The following DENND2B variants were observed in gnomAD, a reference collection of about 807,000 sequenced individuals.
DENND2B encodes the protein DENN domain-containing protein 2B.
A neutral mutation model predicts 116.0 loss-of-function variants in DENND2B; 32 were observed. The observed-to-expected ratio is 0.28, with a 90% CI of 0.21 to 0.37. The LOEUF is 0.37. Among genes scored for constraint, DENND2B ranks in the 10% least tolerant of loss-of-function variants. The pLI, the probability that DENND2B is intolerant of heterozygous loss-of-function variation, is 1.00. For missense variants in DENND2B, 1,276 were observed against 1,477.7 expected, an observed-to-expected ratio of 0.86 and a Z score of 2.24; for synonymous variants, 588 against 583.9, an observed-to-expected ratio of 1.01 and a Z score of -0.10.
At chr11:8,709,957 GAGCACGTGCCTGACTCTCAAT>G (rs546003679) in intron 11 of DENND2B, among the ~76,000 whole-genome samples, 9 of 151,988 alleles carry the variant, frequency 5.9e-5, no homozygotes, top group African/African-American at 7.3e-5. Context: ...ATCTTTATAT[GAGCACGTGCCTGACTCTCAAT>G]AGCACGTGCC....
rs544065420 is a variant in DENND2B, at chr11:8,694,458, G to A, written c.3380-328C>T. On this transcript the variant is annotated intron_variant, in intron 19 of 19. Transcript: ENST00000313726. ...TTGCAGGAAGGGCACTCGCACTGCT[G>A]TGTCTGCAGACCTGTTATGGTCTAG... 3.0e-4 allele frequency: 138 copies of A among 454,040 alleles called. 1 individual carries two copies. Among genetic ancestry groups the A allele is most frequent in the South Asian group, 2.1e-3 (114 of 55,390 alleles). 28.1% of individuals were successfully genotyped at this position (454,040 alleles called of 1,614,324 possible).
At chr11:8,698,167 G>C (rs767920296) in intron 16 of DENND2B, among the ~76,000 whole-genome samples, 5 of 53,316 alleles carry the variant, frequency 9.4e-5, no homozygotes, top group Non-Finnish European at 1.4e-4. Flanking sequence ...AAAAAAAAAA[G>C]GGGGTAGAGC....
chr11:8,832,387 G>A lies in DENND2B; in HGVS notation c.-115+6923C>T, dbSNP rs191375869. On this transcript the variant is annotated intron_variant, in intron 4 of 6. Coordinates refer to the DENND2B transcript ENST00000524757. ...GAATTGCTTGGACCGGGGAGGCGGA[G>A]GTTGCTGTGGGCCGAGATTGTGCCA... Among the ~76,000 whole-genome samples the A allele has an allele frequency of 7.4e-3, 1,111 of 150,856 alleles. 7 individuals are homozygous for A. Among genetic ancestry groups the A allele is most frequent in the Middle Eastern group, 0.031 (9 of 292 alleles).
intron 2 of DENND2B, among the ~76,000 whole-genome samples, chr11:8,868,464 G>A (rs1251351539): frequency 6.6e-6 from 1 of 152,166 alleles, no homozygotes; most frequent in African/African-American, 2.4e-5. Context: ...GCTTCCACTG[G>A]ACCTCCCACT....
Position 8,730,183 on chromosome 11 carries a change from A to G in DENND2B, c.1107T>C (p.Pro369=), listed in dbSNP as rs758225929. 4.3e-6 allele frequency: 7 copies of G among 1,613,984 alleles called. No homozygotes were observed. In the South Asian group the frequency reaches 6.6e-5, roughly 15 times the overall value. Residue 369 remains proline, a synonymous_variant, in exon 3 of 20, where the codon CCT becomes CCC. Coordinates refer to ENST00000313726, the MANE Select transcript of DENND2B (RefSeq NM_213618.2). The surrounding 1 kb of genome is among the most constrained non-coding windows in gnomAD (Gnocchi z 4.1). Reference sequence around the variant, plus strand: ...TCTTCGATGGCAGCCGCTGGGAGCTAGGGCTATTTCCAGGGGTCCCGGGCT... The same window carrying G: ...TCTTCGATGGCAGCCGCTGGGAGCTGGGGCTATTTCCAGGGGTCCCGGGCT... ...STKPGTPGNS[P]SSQRLPSKSS... is the part of the protein sequence containing the mutation.
chr11:8,817,885 A>T (rs1419141386), intron 4 of DENND2B, among the ~76,000 whole-genome samples: 1 of 151,608 alleles, frequency 6.6e-6, no homozygotes, highest in African/African-American at 2.4e-5. Flanking sequence ...TGGGCCACAT[A>T]AACATAGGCT....
chr11:8,885,203 AG>A (rs1319518235), intron 1 of DENND2B, among the ~76,000 whole-genome samples: 2 of 152,248 alleles, frequency 1.3e-5, no homozygotes, highest in African/African-American at 4.8e-5. Flanking sequence ...TCCTGACCCC[AG>A]GCCTAGGCCT....
chr11:8,899,863 T>C (rs944920493), intron 1 of DENND2B, among the ~76,000 whole-genome samples: 1 of 152,202 alleles, frequency 6.6e-6, no homozygotes, highest in Non-Finnish European at 1.5e-5. Flanking sequence ...TAAGAGCATA[T>C]AAAGCAATAA....
At chr11:8,855,048 G>A (rs535972709) in intron 3 of DENND2B, among the ~76,000 whole-genome samples, 1 of 104,188 alleles carries the variant, frequency 9.6e-6, no homozygotes, top group African/African-American at 3.3e-5. Flanking sequence ...AGAGGCTGAG[G>A]TGGAAAAGAT....
intron 2 of DENND2B, among the ~76,000 whole-genome samples, chr11:8,864,175 G>A (rs2063500190): frequency 6.6e-6 from 1 of 152,160 alleles, no homozygotes. Context: ...AGAGACCAGA[G>A]TGTTGTAAAA....
intron 1 of DENND2B, among the ~76,000 whole-genome samples, chr11:8,796,586 C>T (rs1382659271): frequency 1.3e-5 from 2 of 152,130 alleles, no homozygotes; most frequent in African/African-American, 2.4e-5. Flanking sequence ...GTTCAATTTC[C>T]AAGAAGTGAA....
chr11:8,873,622 T>G (rs2063814653), upstream of DENND2B, among the ~76,000 whole-genome samples: 1 of 152,232 alleles, frequency 6.6e-6, no homozygotes, highest in Admixed American at 6.5e-5. Flanking sequence ...AACGTAATGT[T>G]CACATCACTT....
chr11:8,907,071 CA>C (rs1049938627), intron 1 of DENND2B, among the ~76,000 whole-genome samples: 2 of 152,116 alleles, frequency 1.3e-5, no homozygotes, highest in African/African-American at 4.8e-5. Flanking sequence ...CCAAATACAG[CA>C]CCAGTCTCTT....
intron 1 of DENND2B, among the ~76,000 whole-genome samples, chr11:8,894,933 T>C (rs190326674): frequency 0.049 from 7,465 of 152,220 alleles, 509 homozygotes; most frequent in African/African-American, 0.16. Flanking sequence ...CATGCTGCTA[T>C]AAAGACACAT....
upstream of DENND2B, among the ~76,000 whole-genome samples, chr11:8,875,326 GAA>G (rs1426384383): frequency 9.3e-6 from 1 of 107,888 alleles, no homozygotes. Context: ...CAGTCTCAAA[GAA>G]AAAAAAAAAA....
Position 8,707,195 on chromosome 11 carries a change from T to G in DENND2B, c.2461A>C (p.Ile821Leu), listed in dbSNP as rs766315697. Residue 821 changes from isoleucine (I) to leucine (L), a missense_variant, in exon 13 of 20, where the codon ATC becomes CTC. By Grantham distance (5) the Ile-to-Leu change is conservative (BLOSUM62 2). Coordinates refer to ENST00000313726, the MANE Select transcript of DENND2B (RefSeq NM_213618.2). This position sits in a 1 kb window ranked among gnomAD's most constrained non-coding sequence, Gnocchi z 4.8. ...VLDEVERRRG[I>L]SAALVYPFMR... ...AAAGGATAGACCAATGCAGCGGAGA[T>G]CCCACGCCGGCGCTCCACCTCATCT... 1 of 1,612,712 alleles carries G rather than the reference T, an allele frequency of 6.2e-7. No homozygotes were observed. The highest frequency in any genetic ancestry group is 1.3e-5 in the African/African-American group (1 of 74,818).
At position 8,748,949 on chromosome 11, in the gene DENND2B, A is replaced by C. The variant is rs1383007916; in HGVS notation, c.80+1672T>G. On this transcript the variant is annotated intron_variant, in intron 2 of 19. Coordinates refer to ENST00000313726, the MANE Select transcript of DENND2B (RefSeq NM_213618.2). ...TGGAAATTAGAAGGAAAAAAAAAGA[A>C]TATTTAAAGGAGTTGAGGGTTGCTG... Among the ~76,000 whole-genome samples, 3 of 152,302 alleles carry C rather than the reference A, an allele frequency of 2.0e-5. No individual in the cohort carries two copies. The East Asian group carries it at 5.8e-4, about 29-fold the overall frequency.
chr11:8,829,052 G>GTGGTGTGTGTGGTGTGGTGTGTA (rs2062094591), intron 4 of DENND2B, among the ~76,000 whole-genome samples: 1 of 143,058 alleles, frequency 7.0e-6, no homozygotes, highest in Non-Finnish European at 1.5e-5. Context: ...GTGTTTGTGT[G>GTGGTGTGTGTGGTGTGGTGTGTA]TGGTGTGTGT....
At chr11:8,790,710 A>G (rs908695426) in intron 1 of DENND2B, among the ~76,000 whole-genome samples, 4 of 152,188 alleles carry the variant, frequency 2.6e-5, no homozygotes, top group African/African-American at 7.2e-5. Flanking sequence ...TAGAGGCTGC[A>G]GTGAGGTGTG....
Sources: gnomAD v4.1 joint callset for allele counts (sites outside exome capture counted in the v4.1 genomes callset) on GRCh38, gnomAD v4.1.1 for gene constraint, Gnocchi (gnomAD v3.1) non-coding constraint, MANE v1.5 for transcripts, NCBI Gene and HGNC (gene_info 2026-07-23, HGNC 2026-07-21) for gene names.